The following TBXAS1 variants were observed in gnomAD, a reference collection of about 807,000 sequenced individuals.
The protein encoded by TBXAS1 is thromboxane-A synthase.
A neutral mutation model predicts 60.7 loss-of-function variants in TBXAS1; 48 were observed. The observed-to-expected ratio is 0.79, with a 90% CI of 0.63 to 1.01. The LOEUF is 1.01. Among genes scored for constraint, TBXAS1 ranks in the 50% least tolerant of loss-of-function variants. The pLI is 0.00. For synonymous variants in TBXAS1, 287 were observed against 269.7 expected, an observed-to-expected ratio of 1.06 and a Z score of -0.63; for missense variants, 685 against 686.3, an observed-to-expected ratio of 1.00 and a Z score of 0.02.
chr7:139,962,832 C>G (rs1810476969), intron 9 of TBXAS1: 1 of 154,764 alleles, frequency 6.5e-6, no homozygotes, highest in South Asian at 2.0e-4. Flanking sequence ...TACTTTATCA[C>G]CTCATTTTTT....
chr7:139,939,103 G>A (rs984250508), intron 5 of TBXAS1, among the ~76,000 whole-genome samples: 9 of 152,274 alleles, frequency 5.9e-5, no homozygotes, highest in South Asian at 2.1e-4. Context: ...GGTGGCTCAC[G>A]CCTGTAATCC....
intron 5 of TBXAS1, among the ~76,000 whole-genome samples, chr7:139,938,312 C>T (rs1807977745): frequency 6.6e-6 from 1 of 152,082 alleles, no homozygotes; most frequent in Admixed American, 6.5e-5. Context: ...GGGTCCCACA[C>T]CTAGAAATTC....
rs954217459 is a variant in TBXAS1 at position 139,999,271 on chromosome 7, T to C, written c.1135-7820T>C. Among the ~76,000 whole-genome samples, 1 of 152,192 alleles carries C rather than the reference T, an allele frequency of 6.6e-6. No individual in the cohort carries two copies. The highest frequency in any genetic ancestry group is 2.4e-5 in the African/African-American group (1 of 41,450). On this transcript the variant is annotated intron_variant, in intron 9 of 12. Transcript: ENST00000448866. The surrounding 1 kb of genome is among the most constrained non-coding windows in gnomAD (Gnocchi z 4.3). ...CGGGCGCCATGGCTTACGCCTATAA[T>C]CCCAGCACTTTGGGAGGCCGAGGTG...
chr7:139,949,008 A>G (rs539035989), intron 5 of TBXAS1, among the ~76,000 whole-genome samples: 2 of 152,342 alleles, frequency 1.3e-5, no homozygotes, highest in South Asian at 4.1e-4. Flanking sequence ...TAACCCAAAT[A>G]AAAATGTCAT....
At chr7:139,966,833 T>C (rs1810825648) in intron 9 of TBXAS1, among the ~76,000 whole-genome samples, 1 of 152,198 alleles carries the variant, frequency 6.6e-6, no homozygotes, top group African/African-American at 2.4e-5. Flanking sequence ...GATGCCGCCC[T>C]GCGGGAGGAG....
At chr7:139,932,273 CT>C (rs1807399084) in intron 4 of TBXAS1, among the ~76,000 whole-genome samples, 1 of 151,262 alleles carries the variant, frequency 6.6e-6, no homozygotes, top group Non-Finnish European at 1.5e-5. Flanking sequence ...AAAAGAGTGT[CT>C]GGAGTGGCTT....
chr7:139,949,242 T>C (rs951899790), intron 5 of TBXAS1, among the ~76,000 whole-genome samples: 1 of 152,236 alleles, frequency 6.6e-6, no homozygotes, highest in Non-Finnish European at 1.5e-5. Flanking sequence ...AATCACATTT[T>C]ATGTTCCATC....
At position 139,936,256 on chromosome 7, in the gene TBXAS1, A is replaced by G. The variant is rs540770195; in HGVS notation, c.399A>G (p.Glu133=). The G allele has an allele frequency of 1.2e-6, 2 of 1,614,236 alleles. No homozygotes were observed. The highest frequency in any genetic ancestry group is 1.7e-5 in the Admixed American group (1 of 60,028). Residue 133 remains glutamate (E), a synonymous_variant, in exon 5 of 13, where the codon GAA becomes GAG. Transcript: ENST00000448866. ...TGTTTTTACGTGACAAAAGATGGGA[A>G]GAGGTCAGAGGTGCCCTGATGTCTG... ...SVLFLRDKRW[E]EVRGALMSAF... is the part of the protein sequence containing the mutation.
chr7:139,970,131 C>T (rs748706209), intron 9 of TBXAS1, among the ~76,000 whole-genome samples: 10 of 152,128 alleles, frequency 6.6e-5, no homozygotes, highest in South Asian at 2.1e-4. Context: ...ATTTATGAGA[C>T]GGAGTCTCAC....
At chr7:139,854,189 G>A (rs1245232989) in intron 1 of TBXAS1, among the ~76,000 whole-genome samples, 1 of 152,012 alleles carries the variant, frequency 6.6e-6, no homozygotes, top group African/African-American at 2.4e-5. Flanking sequence ...TTGTACCCTA[G>A]GTTTGTTCTT....
chr7:139,874,396 G>A (rs934638854), intron 2 of TBXAS1, among the ~76,000 whole-genome samples: 9 of 152,204 alleles, frequency 5.9e-5, no homozygotes, highest in Non-Finnish European at 1.2e-4. Context: ...CTGTGCTCCC[G>A]CCTCTGGAGA....
intron 5 of TBXAS1, among the ~76,000 whole-genome samples, chr7:139,936,697 G>T (rs994596794): frequency 6.6e-6 from 1 of 152,240 alleles, no homozygotes. Context: ...GAGGGCCAGG[G>T]TGGCCTAAGA....
chr7:139,925,993 T>C (rs1002599208), intron 4 of TBXAS1, among the ~76,000 whole-genome samples: 24 of 152,220 alleles, frequency 1.6e-4, no homozygotes, highest in Admixed American at 1.4e-3. Flanking sequence ...TCCCACTTGG[T>C]CATGATTGAT....
chr7:139,794,149 TG>T (rs1797480224), intron 4 of TBXAS1, among the ~76,000 whole-genome samples: 1 of 152,146 alleles, frequency 6.6e-6, no homozygotes, highest in Non-Finnish European at 1.5e-5. Context: ...CTGCCCAGGC[TG>T]GAGTGCAGTG....
intron 4 of TBXAS1, among the ~76,000 whole-genome samples, chr7:139,820,488 G>A (rs1166532021): frequency 6.6e-6 from 1 of 152,192 alleles, no homozygotes; most frequent in East Asian, 1.9e-4. Flanking sequence ...CCTGCTGTGT[G>A]ATGGGGGCAC....
intron 4 of TBXAS1, among the ~76,000 whole-genome samples, chr7:139,934,002 C>T (rs1807543548): frequency 6.6e-6 from 1 of 152,094 alleles, no homozygotes. Context: ...GGAGAAGCCT[C>T]CCAAATATGT....
intron 1 of TBXAS1, among the ~76,000 whole-genome samples, chr7:139,863,252 G>T (rs1435583642): frequency 6.6e-6 from 1 of 152,136 alleles, no homozygotes; most frequent in Non-Finnish European, 1.5e-5. Flanking sequence ...CTTGTGCAGT[G>T]ACAAAGTTAT....
chr7:139,903,024 A>AT (rs1488868103), intron 3 of TBXAS1, among the ~76,000 whole-genome samples: 5 of 151,896 alleles, frequency 3.3e-5, no homozygotes, highest in Admixed American at 3.3e-4. Flanking sequence ...GATTTCTGAG[A>AT]TTTTGGTGCA....
chr7:140,010,051 A>C (rs1391512437), intron 10 of TBXAS1, among the ~76,000 whole-genome samples: 5 of 78,768 alleles, frequency 6.3e-5, no homozygotes, highest in Admixed American at 1.4e-4. Flanking sequence ...CCCACACCAC[A>C]CCCGCCCCAC....
Sources: allele counts gnomAD v4.1 joint callset (sites outside exome capture counted in the v4.1 genomes callset), GRCh38; gene constraint gnomAD v4.1.1; non-coding constraint Gnocchi (gnomAD v3.1); transcripts MANE v1.5; gene names NCBI Gene and HGNC (gene_info 2026-07-23, HGNC 2026-07-21).